The following CTNNA2 variants were observed in gnomAD, a reference collection of about 807,000 sequenced individuals.
The protein encoded by CTNNA2 is catenin alpha-2.
In CTNNA2, 42 loss-of-function variants were observed where a neutral mutation model predicts 101.0. The observed-to-expected ratio is 0.42, with a 90% CI of 0.32 to 0.54. The LOEUF is 0.54. CTNNA2 is among the 20% of genes least tolerant of loss of function. The probability of loss-of-function intolerance (pLI) is 0.14; values close to 1 mark genes in which losing one functional copy is unlikely to be tolerated. For synonymous variants in CTNNA2, 450 were observed against 456.4 expected (o/e 0.99, Z 0.18); for missense variants, 871 against 1,223.1 (o/e 0.71, Z 4.29).
chr2:80,032,001 C>T (rs1051054640), intron 7 of CTNNA2, among the ~76,000 whole-genome samples: 1 of 152,192 alleles, frequency 6.6e-6, no homozygotes, highest in African/African-American at 2.4e-5. Flanking sequence ...CTGTGTACAA[C>T]AGCATTTTTC....
At chr2:79,733,685 G>A (rs1055531632) in intron 2 of CTNNA2, among the ~76,000 whole-genome samples, 1 of 151,996 alleles carries the variant, frequency 6.6e-6, no homozygotes, top group East Asian at 1.9e-4. Flanking sequence ...ACAAGTGTAA[G>A]TCCTTACATG....
chr2:79,667,015 A>G (rs977285535), intron 2 of CTNNA2, among the ~76,000 whole-genome samples: 2 of 152,162 alleles, frequency 1.3e-5, no homozygotes, highest in African/African-American at 4.8e-5. Context: ...AGTCTGAAAG[A>G]AGAAGCAAAA....
At chr2:80,467,280 G>C (rs572134235) in intron 9 of CTNNA2, among the ~76,000 whole-genome samples, 1 of 152,114 alleles carries the variant, frequency 6.6e-6, no homozygotes, top group East Asian at 1.9e-4. Context: ...AAATAAGAAA[G>C]ATAAGGAAAA....
At chr2:79,347,669 G>C (rs1386299104) in intron 3 of CTNNA2, among the ~76,000 whole-genome samples, 2 of 151,896 alleles carry the variant, frequency 1.3e-5, no homozygotes, top group Non-Finnish European at 2.9e-5. Flanking sequence ...ACTGGCCTCA[G>C]GTCGCATGGC....
At chr2:80,327,935 G>GT (rs148218237) in intron 7 of CTNNA2, among the ~76,000 whole-genome samples, 2,871 of 152,192 alleles carry the variant, frequency 0.019, 80 homozygotes, top group African/African-American at 0.065. Flanking sequence ...ATGTATAAAT[G>GT]TTTTTTTATT....
chr2:79,560,483 T>A (rs1475495788), intron 1 of CTNNA2, among the ~76,000 whole-genome samples: 4 of 151,918 alleles, frequency 2.6e-5, no homozygotes, highest in Non-Finnish European at 4.4e-5. Flanking sequence ...GTTATTGAAG[T>A]TGGCTTTAAT....
At chr2:80,432,452 C>T (rs532795346) in intron 9 of CTNNA2, among the ~76,000 whole-genome samples, 7 of 152,230 alleles carry the variant, frequency 4.6e-5, no homozygotes, top group Non-Finnish European at 1.0e-4. Flanking sequence ...CACCAGATTG[C>T]TGCCTTTGGC....
chr2:80,237,668 G>A (rs1413273290), intron 7 of CTNNA2, among the ~76,000 whole-genome samples: 1 of 152,122 alleles, frequency 6.6e-6, no homozygotes, highest in Non-Finnish European at 1.5e-5. Context: ...CCTACCCTGG[G>A]CAACAAGACT....
chr2:79,982,369 A>C (rs879833294), intron 7 of CTNNA2, among the ~76,000 whole-genome samples: 18,225 of 111,262 alleles, frequency 0.16, 1,641 homozygotes, highest in Admixed American at 0.29. Flanking sequence ...TATATAACAT[A>C]TATATAACAT....
rs572330858 is a variant in CTNNA2 at position 79,350,001 on chromosome 2, G to A, written c.-317-23830G>A. ...AGGCAGGAGAATGGTGTGAACCCGG[G>A]AGGCAGAGCTTGCAGTGAGACGAGA... On this transcript the variant is annotated intron_variant, in intron 3 of 21. Coordinates refer to the CTNNA2 transcript ENST00000466387. Among the ~76,000 whole-genome samples the A allele has an allele frequency of 6.7e-5, 10 of 149,662 alleles. No homozygotes were observed. In the South Asian group the frequency reaches 2.1e-3, roughly 32 times the overall value.
rs534094918 is a variant in CTNNA2, at chr2:80,263,675, G to A, written c.1057-129536G>A. ...TAAATTCAGTTCCTTAGCCACTCTC[G>A]CCACATAAGTGTTGTGTTTGACAGT... On this transcript the variant is annotated intron_variant, in intron 7 of 18. Transcript: ENST00000402739. Among the ~76,000 whole-genome samples the A allele has an allele frequency of 2.6e-4, 39 of 152,268 alleles. 1 individual carries two copies. Among genetic ancestry groups the A allele is most frequent in the South Asian group, 1.0e-3 (5 of 4,828 alleles).
intron 9 of CTNNA2, among the ~76,000 whole-genome samples, chr2:80,512,359 A>G (rs1384269681): frequency 1.3e-5 from 2 of 152,176 alleles, no homozygotes; most frequent in African/African-American, 4.8e-5. Flanking sequence ...GGTAGTTCAC[A>G]AAAGCAGATA....
intron 1 of CTNNA2, among the ~76,000 whole-genome samples, chr2:79,528,509 A>G (rs1402051672): frequency 1.3e-5 from 2 of 152,140 alleles, no homozygotes; most frequent in African/African-American, 4.8e-5. Flanking sequence ...TTGTGCATAT[A>G]CTATAAAACA....
At chr2:79,782,289 T>C (rs1421171349) in intron 3 of CTNNA2, among the ~76,000 whole-genome samples, 1 of 152,166 alleles carries the variant, frequency 6.6e-6, no homozygotes, top group Non-Finnish European at 1.5e-5. Context: ...CAGGTTGGAG[T>C]GCAATGGCAC....
chr2:79,748,811 A>G (rs554568709), intron 3 of CTNNA2, among the ~76,000 whole-genome samples: 2 of 152,220 alleles, frequency 1.3e-5, no homozygotes, highest in South Asian at 2.1e-4. Context: ...AGTGGTGACT[A>G]TATTTTTACT....
intron 9 of CTNNA2, among the ~76,000 whole-genome samples, chr2:80,494,529 TAGAAC>T (rs1006584792): frequency 1.3e-5 from 2 of 151,956 alleles, no homozygotes; most frequent in Non-Finnish European, 2.9e-5. Context: ...TCAAAAAAAA[TAGAAC>T]AGAGGATTCT....
At chr2:79,638,082 G>A (rs1680201001) in intron 1 of CTNNA2, among the ~76,000 whole-genome samples, 1 of 152,194 alleles carries the variant, frequency 6.6e-6, no homozygotes. Context: ...ACCAGGACTT[G>A]ATGATAGCAA....
intron 1 of CTNNA2, among the ~76,000 whole-genome samples, chr2:79,581,768 T>C (rs1036914505): frequency 6.6e-6 from 1 of 152,244 alleles, no homozygotes; most frequent in Non-Finnish European, 1.5e-5. Flanking sequence ...TTTATTATTA[T>C]GACTAAATCA....
chr2:79,338,979 G>A (rs951581715), intron 3 of CTNNA2, among the ~76,000 whole-genome samples: 1 of 152,046 alleles, frequency 6.6e-6, no homozygotes, highest in Admixed American at 6.6e-5. Flanking sequence ...TTGACTGTGG[G>A]GTGCTAGTGA....
Sources: gnomAD v4.1 joint callset for allele counts (sites outside exome capture counted in the v4.1 genomes callset) on GRCh38, gnomAD v4.1.1 for gene constraint, MANE v1.5 for transcripts, NCBI Gene and HGNC (gene_info 2026-07-23, HGNC 2026-07-21) for gene names.